The following PRKCB variants were observed in gnomAD, a reference collection of about 807,000 sequenced individuals.
PRKCB encodes the protein protein kinase C beta type.
Under a neutral mutation model 81.5 loss-of-function variants are expected in PRKCB, and 13 were observed. The observed-to-expected ratio is 0.16, with a 90% CI of 0.10 to 0.25. The LOEUF (loss-of-function observed/expected upper bound fraction) is 0.25. Ranked by LOEUF, PRKCB falls within the 10% of genes least tolerant of loss-of-function variation. PRKCB has a pLI of 1.00. For synonymous variants in PRKCB, 335 were observed against 321.4 expected, an observed-to-expected ratio of 1.04 and a Z score of -0.45; for missense variants, 509 against 875.7, an observed-to-expected ratio of 0.58 and a Z score of 5.29.
At chr16:23,871,104 C>A (rs1962895659) in intron 2 of PRKCB, among the ~76,000 whole-genome samples, 1 of 152,214 alleles carries the variant, frequency 6.6e-6, no homozygotes, top group Non-Finnish European at 1.5e-5. Context: ...ACCGTCTCTT[C>A]CACTGCATTC....
intron 2 of PRKCB, among the ~76,000 whole-genome samples, chr16:23,883,772 C>T (rs1963158744): frequency 6.6e-6 from 1 of 152,144 alleles, no homozygotes; most frequent in South Asian, 2.1e-4. Flanking sequence ...GTACACTTTA[C>T]ATATGACGTC....
intron 9 of PRKCB, among the ~76,000 whole-genome samples, chr16:24,134,704 A>G (rs916618689): frequency 6.6e-6 from 1 of 151,782 alleles, no homozygotes; most frequent in Non-Finnish European, 1.5e-5. Context: ...AGTCGAGATC[A>G]TGTCACTGCA....
intron 3 of PRKCB, among the ~76,000 whole-genome samples, chr16:23,989,000 G>A (rs552953219): frequency 2.6e-5 from 4 of 152,038 alleles, no homozygotes; most frequent in South Asian, 2.1e-4. Context: ...TTGCTCTATC[G>A]CCCAGGCTGG....
At chr16:23,940,314 A>G (rs532963122) in intron 2 of PRKCB, among the ~76,000 whole-genome samples, 13 of 152,270 alleles carry the variant, frequency 8.5e-5, no homozygotes, top group Non-Finnish European at 1.5e-4. Context: ...CAACTGCCCT[A>G]TGACCCAGCA....
chr16:24,217,766 C>A lies in PRKCB; in HGVS notation c.*2950C>A. 1.0e-6 allele frequency: 1 copy of A among 985,228 alleles called. No individual in the cohort carries two copies. Among genetic ancestry groups the A allele is most frequent in the Non-Finnish European group, 1.2e-6 (1 of 829,898 alleles). 61.0% of individuals were successfully genotyped at this position (985,228 alleles called of 1,614,324 possible). Reference sequence around the variant, plus strand: ...ATAGGGTTGATGAGACCAGGGGAGACCTAAAAAAAAGGCAGCTTTGTGTCT... The same window carrying A: ...ATAGGGTTGATGAGACCAGGGGAGAACTAAAAAAAAGGCAGCTTTGTGTCT... On this transcript the variant is annotated 3_prime_UTR_variant, in exon 17 of 17. Coordinates refer to ENST00000643927, the MANE Select transcript of PRKCB (RefSeq NM_002738.7).
intron 5 of PRKCB, among the ~76,000 whole-genome samples, chr16:24,043,165 G>T (rs995677363): frequency 1.3e-5 from 2 of 152,192 alleles, no homozygotes; most frequent in African/African-American, 4.8e-5. Context: ...ATGAACCAGA[G>T]AAATGCCTTT....
chr16:23,923,035 T>C (rs2141747731), intron 2 of PRKCB, among the ~76,000 whole-genome samples: 1 of 152,218 alleles, frequency 6.6e-6, no homozygotes, highest in African/African-American at 2.4e-5. Flanking sequence ...AGTTAGCTAG[T>C]GAATGCTGTT....
chr16:23,922,254 G>C (rs1963836241), intron 2 of PRKCB, among the ~76,000 whole-genome samples: 1 of 152,160 alleles, frequency 6.6e-6, no homozygotes, highest in Non-Finnish European at 1.5e-5. Context: ...AAACAGAGGT[G>C]GTGGCAGGAA....
intron 16 of PRKCB, among the ~76,000 whole-genome samples, chr16:24,196,581 G>A (rs1183787886): frequency 6.6e-6 from 1 of 152,182 alleles, no homozygotes; most frequent in Non-Finnish European, 1.5e-5. Flanking sequence ...ATGCCATGAT[G>A]TAGCCCTGCA....
intron 3 of PRKCB, among the ~76,000 whole-genome samples, chr16:24,014,745 T>C (rs556334795): frequency 7.9e-5 from 12 of 152,338 alleles, no homozygotes; most frequent in African/African-American, 2.6e-4. Flanking sequence ...CAAATATTAA[T>C]CCATTAAATT....
intron 5 of PRKCB, among the ~76,000 whole-genome samples, chr16:24,068,199 C>T (rs1966062066): frequency 6.6e-6 from 1 of 152,164 alleles, no homozygotes; most frequent in Non-Finnish European, 1.5e-5. Context: ...ATAAGCCTGA[C>T]AAAACCTCTC....
At chr16:24,186,673 A>C (rs1169279773) in intron 15 of PRKCB, among the ~76,000 whole-genome samples, 1 of 152,164 alleles carries the variant, frequency 6.6e-6, no homozygotes, top group Non-Finnish European at 1.5e-5. Flanking sequence ...TGCTGGATGC[A>C]CTGTCTTGGG....
chr16:24,121,321 C>T lies in PRKCB; in HGVS notation c.919-2514C>T, dbSNP rs191120383. The stretch of plus-strand genomic sequence containing the variant: ...TATCCATTTTGCCCTCTGATGTATC[C>T]TCAGCACCTAGAGGAGCACTTAGCA... On this transcript the variant is annotated intron_variant, in intron 8 of 16. Transcript: ENST00000643927. Among the ~76,000 whole-genome samples the T allele has an allele frequency of 3.2e-4, 48 of 152,310 alleles. No homozygotes were observed. In the East Asian group the frequency reaches 8.7e-3, roughly 28 times the overall value.
At chr16:24,120,411 A>G (rs776847762) in intron 8 of PRKCB, among the ~76,000 whole-genome samples, 11 of 152,354 alleles carry the variant, frequency 7.2e-5, no homozygotes, top group Non-Finnish European at 1.6e-4. Flanking sequence ...ATATGGTAAC[A>G]GTGGAATATG....
intron 2 of PRKCB, among the ~76,000 whole-genome samples, chr16:23,857,066 AC>A (rs1313224632): frequency 1.3e-5 from 2 of 152,126 alleles, no homozygotes; most frequent in Non-Finnish European, 2.9e-5. Flanking sequence ...TTTTATTCTT[AC>A]CCCATCACCA....
At chr16:24,107,947 G>C (rs1232047982) in intron 7 of PRKCB, among the ~76,000 whole-genome samples, 1 of 152,184 alleles carries the variant, frequency 6.6e-6, no homozygotes, top group Non-Finnish European at 1.5e-5. Flanking sequence ...CCCCAAGAAA[G>C]CAATTATTTT....
At chr16:24,072,014 G>A (rs993632589) in intron 5 of PRKCB, among the ~76,000 whole-genome samples, 1 of 151,948 alleles carries the variant, frequency 6.6e-6, no homozygotes, top group African/African-American at 2.4e-5. Context: ...ATTGCAATTT[G>A]GATAGAGTTT....
chr16:23,995,099 G>A (rs1484943892), intron 3 of PRKCB, among the ~76,000 whole-genome samples: 1 of 152,164 alleles, frequency 6.6e-6, no homozygotes, highest in Non-Finnish European at 1.5e-5. Flanking sequence ...GTGGTGTGTG[G>A]CATGTTAAGA....
At chr16:24,031,932 CTG>C (rs1965555580) in intron 3 of PRKCB, 12 of 458,140 alleles carry the variant, frequency 2.6e-5, no homozygotes, top group Non-Finnish European at 3.9e-6. Flanking sequence ...GAACAATCAT[CTG>C]TCTTTGTCCT....
Sources: allele counts gnomAD v4.1 joint callset (sites outside exome capture counted in the v4.1 genomes callset), GRCh38; gene constraint gnomAD v4.1.1; transcripts MANE v1.5; gene names NCBI Gene and HGNC (gene_info 2026-07-23, HGNC 2026-07-21).